SIPA1L3: variants seen among roughly 807,000 people sequenced by gnomAD.
SIPA1L3 encodes the protein signal induced proliferation associated 1 like 3.
A neutral mutation model predicts 150.1 loss-of-function variants in SIPA1L3; 59 were observed. That is an observed-to-expected ratio of 0.39 (90% CI 0.32 to 0.49). The LOEUF is 0.49. Among genes scored for constraint, SIPA1L3 ranks in the 20% least tolerant of loss-of-function variants. The probability of loss-of-function intolerance (pLI) is 0.86; values close to 1 mark genes in which losing one functional copy is unlikely to be tolerated. For missense variants in SIPA1L3, 2,211 were observed against 2,489.5 expected (o/e 0.89, Z 2.38); for synonymous variants, 1,070 against 1,077.6 (o/e 0.99, Z 0.14).
Position 38,201,472 on chromosome 19 carries a change from G to A in SIPA1L3, c.4985-390G>A, listed in dbSNP as rs897600904. 7.2e-5 allele frequency among the ~76,000 whole-genome samples: 11 copies of A among 152,304 alleles called. 1 individual carries two copies. Among genetic ancestry groups the A allele is most frequent in the African/African-American group, 9.6e-5 (4 of 41,566 alleles). ...TATAACGAATCCCCGTGGACCTGGC[G>A]CCAGCCCGTCCACTTTGTAACCCTT... On this transcript the variant is annotated intron_variant, in intron 19 of 21. Transcript: ENST00000222345.
Position 38,038,172 on chromosome 19 carries a change from A to T in SIPA1L3, c.-311+9016A>T, listed in dbSNP as rs560273129. ...AGGGTAAGGAGCATGGAGGGAGAGG[A>T]GGGGGCAGGTTCTGGGTACGGTTTG... On this transcript the variant is annotated intron_variant, in intron 2 of 21. Coordinates refer to ENST00000222345, the MANE Select transcript of SIPA1L3 (RefSeq NM_015073.3). Among the ~76,000 whole-genome samples, 144 of 152,010 alleles carry T rather than the reference A, an allele frequency of 9.5e-4. 2 individuals are homozygous for T. In the South Asian group the frequency reaches 0.029, roughly 31 times the overall value.
intron 3 of SIPA1L3, among the ~76,000 whole-genome samples, chr19:38,085,312 C>T (rs960730406): frequency 6.6e-6 from 1 of 151,806 alleles, no homozygotes; most frequent in Non-Finnish European, 1.5e-5. Context: ...AACCCTGTCT[C>T]TACTAAAAAT....
intron 2 of SIPA1L3, among the ~76,000 whole-genome samples, chr19:38,049,162 T>A (rs930020421): frequency 1.3e-5 from 2 of 151,924 alleles, no homozygotes; most frequent in African/African-American, 4.8e-5. Flanking sequence ...GGAAAAAAAA[T>A]GGGTGTCTCC....
At chr19:38,021,159 T>C (rs1968364244) in intron 1 of SIPA1L3, among the ~76,000 whole-genome samples, 1 of 152,146 alleles carries the variant, frequency 6.6e-6, no homozygotes, top group Non-Finnish European at 1.5e-5. Flanking sequence ...CTGCAGACTC[T>C]CCAGGGTGGT....
chr19:38,115,645 G>A (rs1170944256), intron 8 of SIPA1L3, among the ~76,000 whole-genome samples: 1 of 152,044 alleles, frequency 6.6e-6, no homozygotes, highest in African/African-American at 2.4e-5. Context: ...GCTGCTACCT[G>A]TGCTGCACCC....
chr19:38,165,082 A>G (rs1182475285), intron 15 of SIPA1L3, among the ~76,000 whole-genome samples, 176 bp downstream of exon 15: 2 of 152,124 alleles, frequency 1.3e-5, no homozygotes, highest in Non-Finnish European at 2.9e-5. Context: ...TTGCCCATCC[A>G]TCAGCATTCA....
chr19:38,122,767 C>T (rs1971051001), intron 9 of SIPA1L3, among the ~76,000 whole-genome samples: 1 of 152,214 alleles, frequency 6.6e-6, no homozygotes, highest in African/African-American at 2.4e-5. Flanking sequence ...CGGCGTCCAG[C>T]CTCAGGGCCT....
intron 1 of SIPA1L3, among the ~76,000 whole-genome samples, chr19:37,960,725 T>A (rs2046850518): frequency 6.6e-6 from 1 of 151,826 alleles, no homozygotes; most frequent in African/African-American, 2.4e-5. Flanking sequence ...AGCTAATTTT[T>A]AAATTTTTTG....
At chr19:38,116,951 A>T (rs1198583162) in intron 8 of SIPA1L3, among the ~76,000 whole-genome samples, 1 of 152,234 alleles carries the variant, frequency 6.6e-6, no homozygotes, top group East Asian at 1.9e-4. Context: ...CACTTTTAGC[A>T]ATAATCTGCC....
At chr19:38,021,825 C>T (rs777447921) in intron 1 of SIPA1L3, among the ~76,000 whole-genome samples, 10 of 152,180 alleles carry the variant, frequency 6.6e-5, no homozygotes, top group Non-Finnish European at 1.2e-4. Context: ...GGATTACAGG[C>T]GTGAGCCACT....
At chr19:38,112,521 A>T (rs1970787782) in intron 8 of SIPA1L3, among the ~76,000 whole-genome samples, 1 of 152,134 alleles carries the variant, frequency 6.6e-6, no homozygotes, top group Admixed American at 6.6e-5. Context: ...CTTCTCTCTC[A>T]CACACAAACC....
In SIPA1L3 at chr19:38,148,768, G is replaced by C. The variant is rs549048841; in HGVS notation, c.3534-4072G>C. On this transcript the variant is annotated intron_variant, in intron 12 of 21. Transcript: ENST00000222345. ...CTGCTCCCCGTAAGGTTCCTCCCCA[G>C]AGTCAGTACCTCCAGCTTCTGCCTG... Among the ~76,000 whole-genome samples the C allele has an allele frequency of 2.0e-3, 298 of 152,252 alleles. 2 individuals carry two copies. Among genetic ancestry groups the C allele is most frequent in the African/African-American group, 6.8e-3 (283 of 41,552 alleles).
At chr19:37,913,353 C>T (rs1224836703) in intron 1 of SIPA1L3, among the ~76,000 whole-genome samples, 1 of 152,022 alleles carries the variant, frequency 6.6e-6, no homozygotes, top group African/African-American at 2.4e-5. Flanking sequence ...CCTTGCTGTC[C>T]TAGGGTTTAC....
intron 3 of SIPA1L3, among the ~76,000 whole-genome samples, chr19:38,085,629 C>G (rs1198512699): frequency 6.6e-6 from 1 of 152,194 alleles, no homozygotes; most frequent in African/African-American, 2.4e-5. Context: ...TTAAAGTTCG[C>G]CAAGAAATTC....
At chr19:38,098,960 CCTTTT>C (rs1165075544) in intron 4 of SIPA1L3, among the ~76,000 whole-genome samples, 1 of 152,132 alleles carries the variant, frequency 6.6e-6, no homozygotes. Flanking sequence ...CTTGTCTTGT[CCTTTT>C]CTTTTCTTTT....
At chr19:38,040,800 G>A (rs1478586352) in intron 2 of SIPA1L3, among the ~76,000 whole-genome samples, 4 of 152,094 alleles carry the variant, frequency 2.6e-5, no homozygotes, top group Non-Finnish European at 2.9e-5. Context: ...TCGCTCAGTC[G>A]CCCAGGCTGG....
In SIPA1L3 at chr19:38,111,897, GCA is replaced by G. The variant is rs200462293; in HGVS notation, c.2291+1524_2291+1525del. Among the ~76,000 whole-genome samples, 318 of 151,714 alleles carry G rather than the reference GCA, an allele frequency of 2.1e-3. 3 individuals are homozygous for G. The highest frequency in any genetic ancestry group is 7.3e-3 in the African/African-American group (303 of 41,334). Reference sequence around the variant, plus strand: ...CACACGCACACGTGCACAGGCACATGCACACACACACATGCATGCACGCATCC... The same window carrying G: ...CACACGCACACGTGCACAGGCACATGCACACACACATGCATGCACGCATCC... On this transcript the variant is annotated intron_variant, in intron 8 of 21. Transcript: ENST00000222345.
rs73633141 is a variant in SIPA1L3 at position 37,945,775 on chromosome 19, C to G, written c.-379+38417C>G. 5.9e-3 allele frequency among the ~76,000 whole-genome samples: 903 copies of G among 152,298 alleles called. 10 individuals carry two copies. The highest frequency in any genetic ancestry group is 0.021 in the African/African-American group (854 of 41,556). On this transcript the variant is annotated intron_variant, in intron 1 of 21. Transcript: ENST00000222345. The stretch of plus-strand genomic sequence containing the variant: ...TTCATTATTGGAACTCTGAACATCT[C>G]ACACACAAAAATCATTTGTTTGCTT...
chr19:38,198,409 C>A lies in SIPA1L3; in HGVS notation c.4861C>A (p.Leu1621Ile), dbSNP rs1414754569. Residue 1621 changes from leucine (L) to isoleucine (I), a missense_variant, in exon 19 of 22, where the codon CTC (leucine) becomes ATC (isoleucine). Physicochemically the swap from Leu to Ile is conservative, Grantham distance 5. This residue lies in a region of SIPA1L3 where 806 missense variants were observed against 870.1 expected (regional missense o/e 0.93). Coordinates refer to ENST00000222345, the MANE Select transcript of SIPA1L3 (RefSeq NM_015073.3). ...EKKSTISASE[L>I]SLADGRDRPL... Reference sequence around the variant, plus strand: ...TCCAGCCACCATCTCAGCCTCGGAGCTCTCGCTGGCTGATGGGCGGGACCG... The same window carrying A: ...TCCAGCCACCATCTCAGCCTCGGAGATCTCGCTGGCTGATGGGCGGGACCG... 3.8e-6 allele frequency: 6 copies of A among 1,578,740 alleles called. No homozygotes were observed. In the Admixed American group the frequency reaches 1.1e-4, roughly 29 times the overall value.
Sources: gnomAD v4.1 joint callset for allele counts (sites outside exome capture counted in the v4.1 genomes callset) on GRCh38, gnomAD v4.1.1 for gene constraint, gnomAD v4.1.1 regional missense constraint, MANE v1.5 for transcripts, NCBI Gene and HGNC (gene_info 2026-07-23, HGNC 2026-07-21) for gene names.